The following XYLT1 variants were observed in gnomAD, a reference collection of about 807,000 sequenced individuals.
XYLT1 encodes the protein beta-D-xylosyltransferase 1.
XYLT1 carries 36 observed loss-of-function variants against 91.3 expected under a neutral mutation model. The ratio of observed to expected loss-of-function variants is 0.39; its 90% CI spans 0.30 to 0.52. The LOEUF is 0.52. Among genes scored for constraint, XYLT1 ranks in the 20% least tolerant of loss-of-function variants. The probability of loss-of-function intolerance (pLI) is 0.68; values close to 1 mark genes in which losing one functional copy is unlikely to be tolerated. For missense variants in XYLT1, 1,242 were observed against 1,284.5 expected, an observed-to-expected ratio of 0.97 and a Z score of 0.51; for synonymous variants, 588 against 532.0, an observed-to-expected ratio of 1.11 and a Z score of -1.45.
intron 1 of XYLT1, among the ~76,000 whole-genome samples, chr16:17,409,751 T>A (rs373523802): frequency 6.6e-6 from 1 of 151,992 alleles, no homozygotes; most frequent in South Asian, 2.1e-4. Context: ...GGTTTCACCA[T>A]GTTGGCCATG....
chr16:17,393,093 T>C (rs1471045595), intron 1 of XYLT1, among the ~76,000 whole-genome samples: 1 of 152,142 alleles, frequency 6.6e-6, no homozygotes, highest in South Asian at 2.1e-4. Context: ...AAGCCCTCTT[T>C]GGAAAAAGCA....
chr16:17,429,975 C>T (rs1177782914), intron 1 of XYLT1, among the ~76,000 whole-genome samples: 4 of 144,466 alleles, frequency 2.8e-5, no homozygotes, highest in African/African-American at 7.8e-5. Context: ...CTTGCTCGGT[C>T]GCCCAGGCTG....
intron 9 of XYLT1, among the ~76,000 whole-genome samples, chr16:17,128,608 G>A (rs1346826243): frequency 6.6e-6 from 1 of 152,158 alleles, no homozygotes; most frequent in African/African-American, 2.4e-5. Flanking sequence ...CACTTACACT[G>A]GTTATCATCT....
chr16:17,259,983 GA>G (rs2033698718), intron 2 of XYLT1, among the ~76,000 whole-genome samples: 1 of 151,462 alleles, frequency 6.6e-6, no homozygotes, highest in South Asian at 2.1e-4. Flanking sequence ...GCCCATAAGA[GA>G]AATCAGACTG....
intron 1 of XYLT1, among the ~76,000 whole-genome samples, chr16:17,360,026 G>A (rs367939355): frequency 5.3e-5 from 8 of 152,146 alleles, no homozygotes; most frequent in East Asian, 3.8e-4. Flanking sequence ...AACATCTGCT[G>A]TTCAGGTCAG....
chr16:17,200,682 G>T (rs1395758278), intron 3 of XYLT1, 28 bp from the exon 4 acceptor site: 2 of 1,600,280 alleles, frequency 1.2e-6, no homozygotes, highest in East Asian at 4.5e-5. Context: ...GAACAGAGAG[G>T]AGAAAGTGAG....
chr16:17,198,337 C>T lies in XYLT1; in HGVS notation c.1164G>A (p.Met388Ile). Residue 388 changes from methionine to isoleucine, a missense_variant, in exon 5 of 12, where the codon ATG becomes ATA. By Grantham distance (10) the Met-to-Ile change is conservative. This residue lies in a region of XYLT1 where 294 missense variants were observed against 376.0 expected (regional missense o/e 0.78). Transcript: ENST00000261381. ...YSNVRVTPWR[M>I]ATIWGGASLL... ...GGCTGGCTCCTCCCCAGATGGTGGC[C>T]ATTCTCCAGGGGGTGACGCGGACAT... 1 of 1,614,212 alleles carries T rather than the reference C, an allele frequency of 6.2e-7. No individual in the cohort carries two copies.
chr16:17,219,891 C>T lies in XYLT1; in HGVS notation c.914-19237G>A, dbSNP rs573330410. ...TAGAAATACAAAAAAATTAGCAGGG[C>T]GTGGTGGTGCATGCCTGTAGTCCCA... On this transcript the variant is annotated intron_variant, in intron 3 of 11. Coordinates refer to ENST00000261381, the MANE Select transcript of XYLT1 (RefSeq NM_022166.4). 7.9e-5 allele frequency among the ~76,000 whole-genome samples: 12 copies of T among 152,178 alleles called. No individual in the cohort carries two copies. In the South Asian group the frequency reaches 1.5e-3, roughly 18 times the overall value.
intron 2 of XYLT1, among the ~76,000 whole-genome samples, chr16:17,260,094 T>C (rs986749098): frequency 4.0e-5 from 6 of 151,886 alleles, no homozygotes; most frequent in Non-Finnish European, 8.8e-5. Flanking sequence ...CACTAAGTCC[T>C]GGAGCAAAGC....
At chr16:17,109,598 A>G (rs1016119984) in intron 11 of XYLT1, among the ~76,000 whole-genome samples, 5 of 152,234 alleles carry the variant, frequency 3.3e-5, no homozygotes, top group African/African-American at 9.6e-5. Context: ...CTTGGGCCAA[A>G]TGTGGCCCAC....
chr16:17,454,443 C>G (rs565991982), intron 1 of XYLT1, among the ~76,000 whole-genome samples: 1 of 152,200 alleles, frequency 6.6e-6, no homozygotes, highest in African/African-American at 2.4e-5. Context: ...GTTGCAACTA[C>G]TCAATTGTGC....
intron 2 of XYLT1, among the ~76,000 whole-genome samples, chr16:17,266,130 ATC>A (rs2033799555): frequency 2.0e-5 from 3 of 152,152 alleles, no homozygotes; most frequent in Admixed American, 2.0e-4. Context: ...TCCCTCTATT[ATC>A]GTCTATAGCA....
intron 3 of XYLT1, among the ~76,000 whole-genome samples, chr16:17,207,317 C>G (rs957022256): frequency 1.3e-5 from 2 of 152,110 alleles, no homozygotes; most frequent in African/African-American, 4.8e-5. Context: ...GTCTCAGCCT[C>G]CCATAGTGCT....
Position 17,258,991 on chromosome 16 carries a change from C to A in XYLT1, c.910G>T (p.Glu304Ter), listed in dbSNP as rs373241882. Reference protein sequence around the residue: ...PEKVTRFCPLEGKANKNVQWD... With the variant: ...PEKVTRFCPL ...AGCCAGCGGGGTTGGAACTTACCCTCGAGGGGGCAGAACCGAGTCACCTTC... is the reference window on the plus strand; with the variant it reads ...AGCCAGCGGGGTTGGAACTTACCCTAGAGGGGGCAGAACCGAGTCACCTTC... The change falls in exon 3 of 12, where the codon GAG becomes TAG. Residue 304 changes from glutamate (E) to a stop codon, truncating the protein, a stop_gained. Transcript: ENST00000261381. LOFTEE classifies it high-confidence loss of function. The A allele has an allele frequency of 6.7e-7, 1 of 1,497,924 alleles. No homozygotes were observed. Among genetic ancestry groups the A allele is most frequent in the African/African-American group, 1.4e-5 (1 of 71,446 alleles). 92.8% of individuals were successfully genotyped at this position (1,497,924 alleles called of 1,614,324 possible).
chr16:17,126,674 G>T (rs2030271666), intron 10 of XYLT1, among the ~76,000 whole-genome samples: 1 of 152,202 alleles, frequency 6.6e-6, no homozygotes, highest in Non-Finnish European at 1.5e-5. Flanking sequence ...CCCTAATCCA[G>T]CAGTCAGAAC....
chr16:17,164,202 T>C (rs949399745), intron 5 of XYLT1, among the ~76,000 whole-genome samples: 7 of 152,134 alleles, frequency 4.6e-5, no homozygotes, highest in African/African-American at 1.4e-4. Context: ...AGTGTACCCA[T>C]AATCTTTAAG....
rs906436695 is a variant in XYLT1, at chr16:17,146,895, G to A, written c.1371-5526C>T. On this transcript the variant is annotated intron_variant, in intron 6 of 11. Coordinates refer to ENST00000261381, the MANE Select transcript of XYLT1 (RefSeq NM_022166.4). ...AAAAGACCCAGCTGTCCTATGTCAC[G>A]GGTCTTGCTCTTTCTCTAACACATC... is the stretch of plus-strand genomic sequence containing the variant. Among the ~76,000 whole-genome samples, 8 of 152,144 alleles carry A rather than the reference G, an allele frequency of 5.3e-5. 1 individual carries two copies. Among genetic ancestry groups the A allele is most frequent in the African/African-American group, 1.2e-4 (5 of 41,436 alleles).
chr16:17,117,027 T>G (rs1221533878), intron 11 of XYLT1, among the ~76,000 whole-genome samples: 1 of 152,194 alleles, frequency 6.6e-6, no homozygotes, highest in Non-Finnish European at 1.5e-5. Flanking sequence ...TTGTGGGCCA[T>G]GCAGTCTCTG....
At chr16:17,135,526 A>T (rs1395515962) in intron 8 of XYLT1, among the ~76,000 whole-genome samples, 2 of 151,632 alleles carry the variant, frequency 1.3e-5, no homozygotes, top group Middle Eastern at 3.4e-3. Context: ...TCTCAGAGAA[A>T]AAGGACCTAC....
Sources: gnomAD v4.1 joint callset for allele counts (sites outside exome capture counted in the v4.1 genomes callset) on GRCh38, gnomAD v4.1.1 for gene constraint, gnomAD v4.1.1 regional missense constraint, MANE v1.5 for transcripts, NCBI Gene and HGNC (gene_info 2026-07-23, HGNC 2026-07-21) for gene names.